CFAP54: variants seen among roughly 807,000 people sequenced by gnomAD.
The protein encoded by CFAP54 is cilia and flagella associated protein 54, also known as cilia- and flagella-associated protein 54.
A neutral mutation model predicts 370.4 loss-of-function variants in CFAP54; 290 were observed. That is an observed-to-expected ratio of 0.78 (90% CI 0.71 to 0.86). The LOEUF is 0.86. Ranked by LOEUF, CFAP54 falls within the 40% of genes least tolerant of loss-of-function variation. The probability of loss-of-function intolerance (pLI) is 0.00; values close to 1 mark genes in which losing one functional copy is unlikely to be tolerated. For synonymous variants in CFAP54, 1,206 were observed against 1,236.5 expected, an observed-to-expected ratio of 0.98 and a Z score of 0.52; for missense variants, 3,399 against 3,528.7, an observed-to-expected ratio of 0.96 and a Z score of 0.93.
chr12:96,604,999 C>T (rs815888), intron 26 of CFAP54, among the ~76,000 whole-genome samples: 105,377 of 152,100 alleles, frequency 0.69, 36,643 homozygotes, highest in African/African-American at 0.72. Context: ...GTCCAACCAG[C>T]CCCAATGAGA....
chr12:96,790,153 A>C (rs1404168238), intron 62 of CFAP54, among the ~76,000 whole-genome samples: 1 of 152,188 alleles, frequency 6.6e-6, no homozygotes, highest in African/African-American at 2.4e-5. Flanking sequence ...TTACATTAAA[A>C]ATTTCCCAAA....
intron 14 of CFAP54, among the ~76,000 whole-genome samples, chr12:96,546,710 TC>T: frequency 6.6e-6 from 1 of 152,050 alleles, no homozygotes; most frequent in African/African-American, 2.4e-5. Flanking sequence ...GTGCCTGTAG[TC>T]CCAGCTGCTC....
intron 65 of CFAP54, among the ~76,000 whole-genome samples, chr12:96,823,208 G>A (rs377238078): frequency 2.0e-5 from 3 of 152,116 alleles, no homozygotes; most frequent in African/African-American, 4.8e-5. Context: ...AGCTCACACA[G>A]CATTTTCTAG....
intron 1 of CFAP54, among the ~76,000 whole-genome samples, 158 bp downstream of exon 1, chr12:96,490,084 T>C (rs529136591): frequency 6.6e-6 from 1 of 152,286 alleles, no homozygotes; most frequent in East Asian, 1.9e-4. Context: ...AAGTGGAGAC[T>C]CGTCGCTCTT....
chr12:96,752,967 G>T (rs1048173833), intron 55 of CFAP54, among the ~76,000 whole-genome samples: 1 of 152,144 alleles, frequency 6.6e-6, no homozygotes, highest in Non-Finnish European at 1.5e-5. Flanking sequence ...GCTTGATAAT[G>T]GTGCCCACTC....
chr12:96,789,990 A>G (rs997408215), intron 62 of CFAP54, among the ~76,000 whole-genome samples: 5 of 147,360 alleles, frequency 3.4e-5, no homozygotes, highest in African/African-American at 1.2e-4. Context: ...AACTCGTTCC[A>G]TAATTTGATA....
At chr12:96,601,845 C>G (rs1956245969) in intron 26 of CFAP54, among the ~76,000 whole-genome samples, 1 of 152,084 alleles carries the variant, frequency 6.6e-6, no homozygotes, top group South Asian at 2.1e-4. Flanking sequence ...ATTCTTCTCT[C>G]TTTTCTTCTT....
intron 32 of CFAP54, among the ~76,000 whole-genome samples, chr12:96,643,142 T>C (rs1956752430): frequency 6.6e-6 from 1 of 152,114 alleles, no homozygotes; most frequent in South Asian, 2.1e-4. Context: ...GATACAGCTA[T>C]TAAAAAGATT....
chr12:96,585,613 C>T (rs1019012130), intron 22 of CFAP54, among the ~76,000 whole-genome samples: 5 of 152,192 alleles, frequency 3.3e-5, no homozygotes, highest in Admixed American at 2.0e-4. Flanking sequence ...TGAGCCACAG[C>T]GCCTGGCTGC....
In CFAP54 at chr12:96,689,253, C is replaced by T. The variant is rs145156361; in HGVS notation, c.6081+271C>T. ...TCAGCTCACTGTGACCTCTGCCTCC[C>T]GGGTTCAAGCAATTCTTGTGCCTCA... On this transcript the variant is annotated intron_variant, in intron 43 of 67. Transcript: ENST00000524981. 1.8e-3 allele frequency among the ~76,000 whole-genome samples: 280 copies of T among 152,056 alleles called. 4 individuals carry two copies. The highest frequency in any genetic ancestry group is 6.4e-3 in the African/African-American group (266 of 41,476).
intron 65 of CFAP54, among the ~76,000 whole-genome samples, chr12:96,822,734 CA>C (rs1959046877): frequency 1.3e-5 from 2 of 152,134 alleles, no homozygotes; most frequent in Admixed American, 1.3e-4. Context: ...AGGAACATCC[CA>C]GGGGGAATCC....
chr12:96,816,171 G>A (rs1054507771), intron 64 of CFAP54, among the ~76,000 whole-genome samples: 5 of 152,066 alleles, frequency 3.3e-5, no homozygotes, highest in Admixed American at 6.6e-5. Context: ...CCATTTTCAC[G>A]ATATTGATTC....
chr12:96,645,088 A>G (rs184907464), intron 33 of CFAP54: 94 of 453,440 alleles, frequency 2.1e-4, no homozygotes, highest in African/African-American at 8.0e-4. Context: ...GCAAATGTCT[A>G]TTTCATAGAG....
chr12:96,642,381 C>T (rs1379612518), intron 32 of CFAP54, among the ~76,000 whole-genome samples: 2 of 152,140 alleles, frequency 1.3e-5, no homozygotes, highest in Non-Finnish European at 2.9e-5. Flanking sequence ...TCCAGGTCCT[C>T]TCAAAAGGCT....
chr12:96,755,815 G>A (rs1172111465), intron 56 of CFAP54, among the ~76,000 whole-genome samples: 3 of 151,484 alleles, frequency 2.0e-5, no homozygotes, highest in African/African-American at 4.9e-5. Flanking sequence ...TTACAGGCGC[G>A]CACCACCATG....
intron 63 of CFAP54, among the ~76,000 whole-genome samples, chr12:96,799,331 C>T (rs892666993): frequency 2.8e-4 from 42 of 152,174 alleles, no homozygotes; most frequent in Non-Finnish European, 1.3e-4. Flanking sequence ...TCCCATAAAA[C>T]ATTTGCCTTA....
chr12:96,510,406 C>T (rs1187039268), intron 4 of CFAP54, among the ~76,000 whole-genome samples: 1 of 152,080 alleles, frequency 6.6e-6, no homozygotes, highest in Non-Finnish European at 1.5e-5. Flanking sequence ...CTTGAACTGT[C>T]AAAGGACTTA....
At chr12:96,573,937 C>T (rs1334326254) in intron 19 of CFAP54, among the ~76,000 whole-genome samples, 1 of 152,158 alleles carries the variant, frequency 6.6e-6, no homozygotes, top group Admixed American at 6.6e-5. Flanking sequence ...GGCCTCCTGG[C>T]ACTGAACAAG....
rs17689115 is a variant in CFAP54 at position 96,870,592 on chromosome 12, T to A, written c.*15-4526T>A. 2.0e-3 allele frequency among the ~76,000 whole-genome samples: 308 copies of A among 152,372 alleles called. 1 individual carries two copies. The highest frequency in any genetic ancestry group is 3.5e-3 in the Non-Finnish European group (236 of 68,034). ...GCTCAATAACAGGTAGCTCTTACCA[T>A]TATTACATTCTTATATTATTACATA... On this transcript the variant is annotated intron_variant, in intron 67 of 67. Transcript: ENST00000524981.
Sources: gnomAD v4.1 joint callset for allele counts (sites outside exome capture counted in the v4.1 genomes callset) on GRCh38, gnomAD v4.1.1 for gene constraint, MANE v1.5 for transcripts, NCBI Gene and HGNC (gene_info 2026-07-23, HGNC 2026-07-21) for gene names.